Variants in MAGEC3 observed in about 807,000 individuals in gnomAD.
MAGEC3 encodes the protein melanoma-associated antigen C3.
A neutral mutation model predicts 35.3 loss-of-function variants in MAGEC3; 34 were observed. That is an observed-to-expected ratio of 0.96 (90% CI 0.73 to 1.28). The LOEUF (loss-of-function observed/expected upper bound fraction) is 1.28, where lower values mean the gene tolerates loss of function less well. Ranked by LOEUF, MAGEC3 falls within the 50% of genes most tolerant of loss-of-function variation. MAGEC3 has a pLI of 0.00. For synonymous variants in MAGEC3, 202 were observed against 185.6 expected, an observed-to-expected ratio of 1.09 and a Z score of -0.72; for missense variants, 561 against 483.6, an observed-to-expected ratio of 1.16 and a Z score of -1.50.
At position 141,897,739 on chromosome X, in the gene MAGEC3, C is replaced by T; in HGVS notation, c.1839C>T (p.Asp613=). 3 of 1,211,708 alleles carry T rather than the reference C, an allele frequency of 2.5e-6. No homozygotes were observed. The highest frequency in any genetic ancestry group is 3.4e-6 in the Non-Finnish European group (3 of 895,503). ...WYMDALKDME[D]RAQAIIDTTD... ...TGGATGCTTTGAAAGATATGGAAGA[C>T]AGAGCCCAGGCCATAATTGACACCA... Residue 613 remains aspartate, a synonymous_variant, in exon 8 of 8, where the codon GAC becomes GAT. Coordinates refer to ENST00000298296, the MANE Select transcript of MAGEC3 (RefSeq NM_138702.1).
chrX:141,881,656 G>T lies in MAGEC3; in HGVS notation c.769G>T (p.Asp257Tyr), dbSNP rs2017966388. The change falls in exon 4 of 8, where the codon GAC becomes TAC. Residue 257 changes from aspartate to tyrosine, a missense_variant. Physicochemically the swap from Asp to Tyr is radical, Grantham distance 160 (BLOSUM62 -3). Transcript: ENST00000298296. ...DHFYVFVNTLDLTCEGSLSDE... is the reference protein window; with the variant it reads ...DHFYVFVNTLYLTCEGSLSDE... ...TTTCTATGTCTTTGTAAACACATTAGACCTCACCTGTGAGGGGAGTCTGAG... is the reference window on the plus strand; with the variant it reads ...TTTCTATGTCTTTGTAAACACATTATACCTCACCTGTGAGGGGAGTCTGAG... 1.7e-6 allele frequency: 2 copies of T among 1,211,456 alleles called. No individual in the cohort carries two copies. Among genetic ancestry groups the T allele is most frequent in the Middle Eastern group, 2.3e-4 (1 of 4,354 alleles).
At position 141,881,399 on chromosome X, in the gene MAGEC3, A is replaced by G; in HGVS notation, c.516-4A>G. 8.4e-7 allele frequency: 1 copy of G among 1,190,195 alleles called. No individual in the cohort carries two copies. Among genetic ancestry groups the G allele is most frequent in the African/African-American group, 1.8e-5 (1 of 56,872 alleles). The stretch of plus-strand genomic sequence containing the variant: ...TAAGATGAAGATACAAGTACCTGGC[A>G]CAGCTTGCCAGAGAGCGAGCCCTTG... On this transcript the variant is annotated splice_polypyrimidine_tract_variant and splice_region_variant and intron_variant, in intron 3 of 7. Coordinates refer to ENST00000298296, the MANE Select transcript of MAGEC3 (RefSeq NM_138702.1).
intron 1 of MAGEC3, among the ~76,000 whole-genome samples, chrX:141,842,608 C>A (rs140462738): frequency 7.0e-4 from 78 of 111,056 alleles, no homozygotes; most frequent in African/African-American, 2.5e-3. Flanking sequence ...TTATTCATGG[C>A]CTTTGTGATT....
At chrX:141,887,348 C>A (rs1208967843) in intron 4 of MAGEC3, among the ~76,000 whole-genome samples, 1 of 112,209 alleles carries the variant, frequency 8.9e-6, no homozygotes, top group African/African-American at 3.2e-5. Context: ...CGATTGGATC[C>A]AGTGAGCGAG....
In MAGEC3 at chrX:141,891,707, A is replaced by G. The variant is rs757883653; in HGVS notation, c.910-3562A>G. Among the ~76,000 whole-genome samples the G allele has an allele frequency of 1.7e-3, 172 of 103,789 alleles. 2 individuals carry two copies. The highest frequency in any genetic ancestry group is 4.8e-3 in the Middle Eastern group (1 of 207). The allele number at this position is 103,789 out of a possible 115,157, so 90.1% of individuals were successfully genotyped here. On this transcript the variant is annotated intron_variant, in intron 4 of 7. Coordinates refer to ENST00000298296, the MANE Select transcript of MAGEC3 (RefSeq NM_138702.1). ...TATAAATATATATATTTATATATGCATATATAAATATATATATTTATATAT... is the reference window on the plus strand; with the variant it reads ...TATAAATATATATATTTATATATGCGTATATAAATATATATATTTATATAT...
intron 2 of MAGEC3, among the ~76,000 whole-genome samples, chrX:141,876,366 G>C (rs1182614421): frequency 2.7e-5 from 3 of 111,730 alleles, no homozygotes; most frequent in Non-Finnish European, 5.6e-5. Context: ...CCTTCCCCCA[G>C]CCACTATTGA....
At chrX:141,871,752 G>A (rs2017889218) in intron 2 of MAGEC3, among the ~76,000 whole-genome samples, 1 of 111,443 alleles carries the variant, frequency 9.0e-6, no homozygotes, top group Admixed American at 9.5e-5. Context: ...ATGGAGAAAG[G>A]GACATGATTG....
chrX:141,881,259 G>A (rs1477548926), intron 3 of MAGEC3, 144 bp from the exon 4 acceptor site: 3 of 613,776 alleles, frequency 4.9e-6, no homozygotes, highest in Non-Finnish European at 7.6e-6. Flanking sequence ...CTGCTGGGAT[G>A]CTGCCTCTTC....
At chrX:141,839,683 T>G (rs779882934) in intron 1 of MAGEC3, 1 of 737,918 alleles carries the variant, frequency 1.4e-6, no homozygotes, top group South Asian at 7.0e-5. Context: ...ATTTCTAATA[T>G]GTCAAATGCT....
At chrX:141,875,879 C>T (rs1156743829) in intron 2 of MAGEC3, among the ~76,000 whole-genome samples, 1 of 111,570 alleles carries the variant, frequency 9.0e-6, no homozygotes, top group Non-Finnish European at 1.9e-5. Flanking sequence ...GTCCACCAAT[C>T]CTGGCTATGA....
rs183916491 is a variant in MAGEC3, at chrX:141,838,986, C to A, written c.123+548C>A. The A allele has an allele frequency of 2.3e-3, 854 of 367,150 alleles. 12 individuals are homozygous for A. The highest frequency in any genetic ancestry group is 0.022 in the African/African-American group (791 of 35,663). 30.3% of individuals were successfully genotyped at this position (367,150 alleles called of 1,213,427 possible). On this transcript the variant is annotated intron_variant, in intron 1 of 7. Coordinates refer to ENST00000298296, the MANE Select transcript of MAGEC3 (RefSeq NM_138702.1). Reference sequence around the variant, plus strand: ...GTGAGGGACCCAGCGGGAGCTTTCTCCCTGAAGCAGTGCCATCATACAATC... The same window carrying A: ...GTGAGGGACCCAGCGGGAGCTTTCTACCTGAAGCAGTGCCATCATACAATC...
At chrX:141,844,247 A>G (rs1012812732) in intron 1 of MAGEC3, among the ~76,000 whole-genome samples, 2 of 111,120 alleles carry the variant, frequency 1.8e-5, no homozygotes, top group Admixed American at 9.6e-5. Flanking sequence ...GCAAATTTTC[A>G]AACTTTCTAT....
intron 1 of MAGEC3, among the ~76,000 whole-genome samples, chrX:141,855,139 G>T (rs1760192779): frequency 9.0e-6 from 1 of 110,787 alleles, no homozygotes; most frequent in African/African-American, 3.3e-5. Flanking sequence ...AATTCACATT[G>T]TGTAGTTGGC....
At position 141,881,905 on chromosome X, in the gene MAGEC3, C is replaced by T; in HGVS notation, c.909+109C>T. On this transcript the variant is annotated intron_variant, in intron 4 of 7. Coordinates refer to ENST00000298296, the MANE Select transcript of MAGEC3 (RefSeq NM_138702.1). ...GTAGCGACATGTGCCCAGTAGTGCT[C>T]CTCCACGTTATGAATTCCTGTGGGG... is the stretch of plus-strand genomic sequence containing the variant. 4.0e-6 allele frequency: 4 copies of T among 994,294 alleles called. No individual in the cohort carries two copies. In the South Asian group the frequency reaches 6.4e-5, roughly 16 times the overall value. 81.9% of individuals were successfully genotyped at this position (994,294 alleles called of 1,213,427 possible).
chrX:141,889,300 C>A (rs1003752587), intron 4 of MAGEC3, among the ~76,000 whole-genome samples: 6 of 111,517 alleles, frequency 5.4e-5, no homozygotes, highest in African/African-American at 2.0e-4. Context: ...AGTCAGGATT[C>A]GTGAGTCCAG....
chrX:141,847,503 A>G (rs1429498092), intron 1 of MAGEC3, among the ~76,000 whole-genome samples: 1 of 111,527 alleles, frequency 9.0e-6, no homozygotes, highest in East Asian at 2.8e-4. Context: ...AGTATGTGTA[A>G]TATTGATAAG....
intron 6 of MAGEC3, chrX:141,896,504 A>G (rs1257152433): frequency 4.2e-5 from 50 of 1,184,736 alleles, no homozygotes; most frequent in Admixed American, 4.7e-5. Context: ...AGAGAAGAAG[A>G]GCTGTAAGCC....
At chrX:141,894,690 C>A (rs2018070149) in intron 4 of MAGEC3, 4 of 967,463 alleles carry the variant, frequency 4.1e-6, no homozygotes, top group African/African-American at 2.0e-5. Flanking sequence ...GGCTGGCCAA[C>A]AAGCAAGAAG....
Position 141,854,167 on chromosome X carries a change from A to G in MAGEC3, c.124-11304A>G, listed in dbSNP as rs1364422673. On this transcript the variant is annotated intron_variant, in intron 1 of 7. Transcript: ENST00000298296. ...TGTAATTTATAGCCCAGGAAGGGAG[A>G]TTGATATTTAATGGTTATTATATAC... Among the ~76,000 whole-genome samples, 12 of 111,309 alleles carry G rather than the reference A, an allele frequency of 1.1e-4. No individual in the cohort carries two copies. In the Admixed American group the frequency reaches 1.1e-3, roughly 11 times the overall value.
Sources: gnomAD v4.1 joint callset for allele counts (sites outside exome capture counted in the v4.1 genomes callset) on GRCh38, gnomAD v4.1.1 for gene constraint, MANE v1.5 for transcripts, NCBI Gene and HGNC (gene_info 2026-07-23, HGNC 2026-07-21) for gene names.